The following PLCXD2 variants were observed in gnomAD, a reference collection of about 807,000 sequenced individuals.
PLCXD2 encodes phosphatidylinositol specific phospholipase C X domain containing 2, also known as PI-PLC X domain-containing protein 2.
PLCXD2 carries 21 observed loss-of-function variants against 28.6 expected under a neutral mutation model. The observed-to-expected ratio is 0.73, with a 90% CI of 0.52 to 1.06. The LOEUF is 1.06. Ranked by LOEUF, PLCXD2 falls within the 50% of genes least tolerant of loss-of-function variation. PLCXD2 has a pLI of 0.00. For synonymous variants in PLCXD2, 140 were observed against 150.1 expected, an observed-to-expected ratio of 0.93 and a Z score of 0.49; for missense variants, 369 against 376.7, an observed-to-expected ratio of 0.98 and a Z score of 0.17.
chr3:111,684,775 A>G (rs1240957754), intron 1 of PLCXD2, among the ~76,000 whole-genome samples: 1 of 152,194 alleles, frequency 6.6e-6, no homozygotes, highest in Admixed American at 6.5e-5. Context: ...AGCACAAAGT[A>G]TATGGGAACT....
intron 1 of PLCXD2, among the ~76,000 whole-genome samples, chr3:111,676,255 G>C (rs935965502): frequency 6.6e-6 from 1 of 152,212 alleles, no homozygotes; most frequent in African/African-American, 2.4e-5. Context: ...AGCACTCCTA[G>C]AAGCAGGGGA....
At chr3:111,685,260 G>A (rs914312972) in intron 1 of PLCXD2, among the ~76,000 whole-genome samples, 3 of 152,156 alleles carry the variant, frequency 2.0e-5, no homozygotes, top group African/African-American at 7.2e-5. Flanking sequence ...TTTTAGATTT[G>A]AACTAAGATT....
chr3:111,707,954 G>A lies in PLCXD2; in HGVS notation c.192G>A (p.Val64=), dbSNP rs1233823702. 1.9e-6 allele frequency: 3 copies of A among 1,613,964 alleles called. No individual in the cohort carries two copies. Among genetic ancestry groups the A allele is most frequent in the South Asian group, 1.1e-5 (1 of 91,044 alleles). Residue 64 remains valine, a synonymous_variant, in exon 2 of 5, where the codon GTG becomes GTA. Coordinates refer to ENST00000477665, the MANE Select transcript of PLCXD2 (RefSeq NM_001185106.1). ...CACATGATTCATTCAGCTACTGGGT[G>A]GATGAAAAGTCCCCAGTGGGGCCTG...
At chr3:111,704,017 CT>C (rs1238416190) in intron 1 of PLCXD2, among the ~76,000 whole-genome samples, 1 of 151,146 alleles carries the variant, frequency 6.6e-6, no homozygotes, top group African/African-American at 2.4e-5. Context: ...CACTTTATTT[CT>C]TAGGAAACAA....
intron 1 of PLCXD2, among the ~76,000 whole-genome samples, chr3:111,688,780 A>C (rs1410275927): frequency 6.6e-6 from 1 of 152,250 alleles, no homozygotes; most frequent in Non-Finnish European, 1.5e-5. Context: ...AAGTTACTTA[A>C]GAATTAAATT....
chr3:111,691,671 A>G (rs1002019701), intron 1 of PLCXD2, among the ~76,000 whole-genome samples: 9 of 152,242 alleles, frequency 5.9e-5, no homozygotes, highest in Admixed American at 2.6e-4. Flanking sequence ...TGTTTAATCA[A>G]TAAGGACATA....
intron 1 of PLCXD2, among the ~76,000 whole-genome samples, chr3:111,699,596 T>C (rs1941011975): frequency 6.6e-6 from 1 of 152,188 alleles, no homozygotes; most frequent in East Asian, 1.9e-4. Flanking sequence ...TCTCAAATAA[T>C]CTAACACTAC....
At chr3:111,709,467 T>TACAC (rs10655649) in intron 2 of PLCXD2, among the ~76,000 whole-genome samples, 43 of 150,554 alleles carry the variant, frequency 2.9e-4, no homozygotes, top group African/African-American at 7.8e-4. Context: ...TGTGTGTATA[T>TACAC]ACACACACAC....
intron 1 of PLCXD2, among the ~76,000 whole-genome samples, chr3:111,677,678 A>G (rs985607920): frequency 6.6e-6 from 1 of 152,228 alleles, no homozygotes; most frequent in African/African-American, 2.4e-5. Flanking sequence ...GCCCCTGTGT[A>G]GCTGCAAAAC....
At chr3:111,693,369 G>A (rs1420338321) in intron 1 of PLCXD2, among the ~76,000 whole-genome samples, 4 of 152,298 alleles carry the variant, frequency 2.6e-5, no homozygotes, top group South Asian at 2.1e-4. Context: ...CTGAGCCTCC[G>A]CAGTGACGAC....
At chr3:111,714,213 A>G (rs1256252939) in intron 3 of PLCXD2, 85 bp downstream of exon 3, 4 of 1,465,240 alleles carry the variant, frequency 2.7e-6, no homozygotes, top group Middle Eastern at 1.9e-4. Flanking sequence ...CAGTAAAGCC[A>G]TGTAGTCTGA....
At chr3:111,725,785 C>G (rs1490181026) in intron 3 of PLCXD2, 1 of 398,444 alleles carries the variant, frequency 2.5e-6, no homozygotes, top group African/African-American at 2.1e-5. Flanking sequence ...TTCAGGCTCA[C>G]CATTTGCCGA....
chr3:111,693,968 G>A (rs1413314956), intron 1 of PLCXD2, among the ~76,000 whole-genome samples: 1 of 152,228 alleles, frequency 6.6e-6, no homozygotes, highest in Non-Finnish European at 1.5e-5. Flanking sequence ...TGAGACACGT[G>A]TGCTTCAGAC....
At chr3:111,707,540 T>A (rs1247846635) in intron 1 of PLCXD2, among the ~76,000 whole-genome samples, 1 of 152,216 alleles carries the variant, frequency 6.6e-6, no homozygotes, top group East Asian at 1.9e-4. Flanking sequence ...TTGGCAGACA[T>A]CTTTGTTTTC....
At chr3:111,712,568 A>G (rs1414806197) in intron 2 of PLCXD2, among the ~76,000 whole-genome samples, 1 of 152,202 alleles carries the variant, frequency 6.6e-6, no homozygotes, top group Admixed American at 6.5e-5. Context: ...AGAAACAACA[A>G]GAACAGCCGT....
intron 1 of PLCXD2, among the ~76,000 whole-genome samples, chr3:111,701,087 A>G (rs574682356): frequency 2.0e-5 from 3 of 152,296 alleles, no homozygotes; most frequent in Admixed American, 1.3e-4. Context: ...AATCTTCTAG[A>G]CCATCAGTAT....
chr3:111,708,214 C>T lies in PLCXD2; in HGVS notation c.452C>T (p.Thr151Ile). ...CTGATGGAAATTGACTCGTTTCTTACACAGCACCCCCAGGAGATTATCTTC... is the reference window on the plus strand; with the variant it reads ...CTGATGGAAATTGACTCGTTTCTTATACAGCACCCCCAGGAGATTATCTTC... The change falls in exon 2 of 5, where the codon ACA becomes ATA. Residue 151 changes from threonine to isoleucine, a missense_variant. Thr to Ile is a moderately conservative substitution (Grantham distance 89). Transcript: ENST00000477665. The T allele has an allele frequency of 6.2e-7, 1 of 1,614,204 alleles. No homozygotes were observed. The highest frequency in any genetic ancestry group is 8.5e-7 in the Non-Finnish European group (1 of 1,180,034).
Position 111,708,168 on chromosome 3 carries a change from G to T in PLCXD2, c.406G>T (p.Gly136Cys), listed in dbSNP as rs149301928. The change falls in exon 2 of 5, where the codon GGC (glycine) becomes TGC (cysteine). Residue 136 changes from glycine to cysteine, a missense_variant. Physicochemically the swap from Gly to Cys is radical, Grantham distance 159 (BLOSUM62 -3). Transcript: ENST00000477665. ...GATCTACTTCATCCATGGGCTTTTTGGCATCAAGGTCTGGGATGGGCTGAT... is the reference window on the plus strand; with the variant it reads ...GATCTACTTCATCCATGGGCTTTTTTGCATCAAGGTCTGGGATGGGCTGAT... 7.0e-5 allele frequency: 113 copies of T among 1,614,044 alleles called. No individual in the cohort carries two copies. The highest frequency in any genetic ancestry group is 8.9e-5 in the Non-Finnish European group (105 of 1,180,036).
At chr3:111,713,160 A>T (rs567561745) in intron 2 of PLCXD2, among the ~76,000 whole-genome samples, 4 of 152,236 alleles carry the variant, frequency 2.6e-5, no homozygotes, top group Non-Finnish European at 5.9e-5. Context: ...AGGAGACATA[A>T]CTTCTAGACA....
Sources: allele counts gnomAD v4.1 joint callset (sites outside exome capture counted in the v4.1 genomes callset), GRCh38; gene constraint gnomAD v4.1.1; transcripts MANE v1.5; gene names NCBI Gene and HGNC (gene_info 2026-07-23, HGNC 2026-07-21).